The following SEMA6D variants were observed in gnomAD, a reference collection of about 807,000 sequenced individuals.
SEMA6D encodes the protein semaphorin-6D.
Under a neutral mutation model 106.6 loss-of-function variants are expected in SEMA6D, and 35 were observed. That is an observed-to-expected ratio of 0.33 (90% confidence interval 0.25 to 0.44). The LOEUF (loss-of-function observed/expected upper bound fraction) is 0.44, where lower values mean the gene tolerates loss of function less well. SEMA6D is among the 20% of genes least tolerant of loss of function. The pLI is 1.00. For synonymous variants in SEMA6D, 499 were observed against 487.7 expected (o/e 1.02, Z -0.31); for missense variants, 1,185 against 1,345.9 (o/e 0.88, Z 1.87).
chr15:47,710,748 C>G (rs1218033161), intron 4 of SEMA6D, among the ~76,000 whole-genome samples: 3 of 152,074 alleles, frequency 2.0e-5, no homozygotes, highest in Non-Finnish European at 4.4e-5. Context: ...TTGGATTTTC[C>G]AGAAAAGCTC....
chr15:47,376,481 G>A (rs79154484), intron 1 of SEMA6D, among the ~76,000 whole-genome samples: 5,604 of 152,288 alleles, frequency 0.037, 157 homozygotes, highest in South Asian at 0.085. Context: ...CCACCCGGTG[G>A]TTATGTGAAT....
chr15:47,727,915 T>A (rs2079867605), intron 1 of SEMA6D, among the ~76,000 whole-genome samples: 1 of 152,216 alleles, frequency 6.6e-6, no homozygotes, highest in South Asian at 2.1e-4. Flanking sequence ...ATTGACTAGA[T>A]GCATTAGAGA....
chr15:47,548,665 T>A (rs1217442971), intron 3 of SEMA6D, among the ~76,000 whole-genome samples: 1 of 152,030 alleles, frequency 6.6e-6, no homozygotes, highest in Non-Finnish European at 1.5e-5. Context: ...CCTGAGAAAC[T>A]AGGGATTTGG....
chr15:47,661,193 T>A (rs1336962385), intron 4 of SEMA6D, among the ~76,000 whole-genome samples: 1 of 152,220 alleles, frequency 6.6e-6, no homozygotes, highest in East Asian at 1.9e-4. Flanking sequence ...GGGGAAACTG[T>A]TTCCTAAGAA....
chr15:47,495,760 A>G (rs2043633095), intron 3 of SEMA6D, among the ~76,000 whole-genome samples: 1 of 152,080 alleles, frequency 6.6e-6, no homozygotes. Flanking sequence ...CTGAAACAAA[A>G]TTACAGAAGT....
At chr15:47,293,133 T>C (rs146732937) in intron 1 of SEMA6D, among the ~76,000 whole-genome samples, 1 of 152,302 alleles carries the variant, frequency 6.6e-6, no homozygotes, top group African/African-American at 2.4e-5. Context: ...AAGCCGAATT[T>C]GAGCATGTTG....
chr15:47,251,928 T>TGC (rs1289369263), intron 1 of SEMA6D, among the ~76,000 whole-genome samples: 3 of 135,546 alleles, frequency 2.2e-5, no homozygotes, highest in Non-Finnish European at 3.1e-5. Context: ...TTTTTTTTTT[T>TGC]TTTTTGAGAC....
At chr15:47,238,956 G>C (rs2032732154) in intron 1 of SEMA6D, among the ~76,000 whole-genome samples, 2 of 152,100 alleles carry the variant, frequency 1.3e-5, no homozygotes, top group Non-Finnish European at 2.9e-5. Flanking sequence ...TCAGTACAGC[G>C]ATCTGCAAGC....
chr15:47,688,235 G>A (rs1032120861), intron 4 of SEMA6D, among the ~76,000 whole-genome samples: 1 of 152,130 alleles, frequency 6.6e-6, no homozygotes, highest in African/African-American at 2.4e-5. Flanking sequence ...ATAAGATAGG[G>A]ATAGTTGTAT....
chr15:47,381,710 C>A (rs1266715065), intron 1 of SEMA6D, among the ~76,000 whole-genome samples: 1 of 152,148 alleles, frequency 6.6e-6, no homozygotes, highest in Non-Finnish European at 1.5e-5. Context: ...AAACATACAA[C>A]TGTATGTAAA....
At chr15:47,512,870 G>C (rs538102605) in intron 3 of SEMA6D, among the ~76,000 whole-genome samples, 2 of 152,278 alleles carry the variant, frequency 1.3e-5, no homozygotes, top group East Asian at 1.9e-4. Context: ...GACAGGATTG[G>C]TCCTAGATCC....
intron 1 of SEMA6D, among the ~76,000 whole-genome samples, chr15:47,298,388 AG>A (rs1222612032): frequency 2.0e-5 from 3 of 151,974 alleles, no homozygotes; most frequent in Non-Finnish European, 4.4e-5. Flanking sequence ...AACATCAATA[AG>A]GGGGAAGTCA....
rs376691345 is a variant in SEMA6D at position 47,659,194 on chromosome 15, CAGTT to C, written c.-55+58302_-55+58305del. ...TATACAAATAATGTGATATATCACT[CAGTT>C]AGTATAAAAATGTATTTCTACATTA... is the stretch of plus-strand genomic sequence containing the variant. On this transcript the variant is annotated intron_variant, in intron 4 of 19. Coordinates refer to the SEMA6D transcript ENST00000558014. Among the ~76,000 whole-genome samples, 125 of 151,870 alleles carry C rather than the reference CAGTT, an allele frequency of 8.2e-4. 2 individuals carry two copies. The highest frequency in any genetic ancestry group is 2.5e-3 in the African/African-American group (104 of 41,472).
chr15:47,223,634 C>T (rs1269979875), intron 1 of SEMA6D, among the ~76,000 whole-genome samples: 1 of 151,984 alleles, frequency 6.6e-6, no homozygotes, highest in Non-Finnish European at 1.5e-5. Context: ...AAATCAGCTT[C>T]CTGTGCATGA....
At chr15:47,617,612 TTCTC>T (rs1227712378) in intron 4 of SEMA6D, among the ~76,000 whole-genome samples, 10 of 152,172 alleles carry the variant, frequency 6.6e-5, no homozygotes, top group African/African-American at 1.7e-4. Context: ...TTGTAGAACA[TTCTC>T]TCTTTCTTTG....
intron 3 of SEMA6D, among the ~76,000 whole-genome samples, chr15:47,552,898 A>ATTTT (rs2045795869): frequency 9.5e-6 from 1 of 105,746 alleles, no homozygotes; most frequent in African/African-American, 3.8e-5. Flanking sequence ...ATAAATATAT[A>ATTTT]TATATATAAA....
intron 2 of SEMA6D, among the ~76,000 whole-genome samples, chr15:47,431,446 G>C (rs999949738): frequency 6.6e-6 from 1 of 151,880 alleles, no homozygotes; most frequent in Non-Finnish European, 1.5e-5. Context: ...CCCTTTTTCT[G>C]TATCCTCATT....
intron 3 of SEMA6D, among the ~76,000 whole-genome samples, chr15:47,477,389 C>T (rs2043032500): frequency 6.6e-6 from 1 of 152,132 alleles, no homozygotes; most frequent in African/African-American, 2.4e-5. Flanking sequence ...AAAGAGCTTA[C>T]ATGCCCAACC....
intron 4 of SEMA6D, among the ~76,000 whole-genome samples, chr15:47,678,144 A>G (rs1360407537): frequency 6.6e-6 from 1 of 152,270 alleles, no homozygotes; most frequent in African/African-American, 2.4e-5. Flanking sequence ...TTTATCATAG[A>G]AAATTAGAGT....
Sources: allele counts gnomAD v4.1 joint callset (sites outside exome capture counted in the v4.1 genomes callset), GRCh38; gene constraint gnomAD v4.1.1; transcripts MANE v1.5; gene names NCBI Gene and HGNC (gene_info 2026-07-23, HGNC 2026-07-21).